The following HTR4 variants were observed in gnomAD, a reference collection of about 807,000 sequenced individuals.
HTR4 encodes 5-hydroxytryptamine (serotonin) receptor 4, G protein-coupled.
In HTR4, 16 loss-of-function variants were observed where a neutral mutation model predicts 36.8. The ratio of observed to expected loss-of-function variants is 0.43; its 90% confidence interval spans 0.29 to 0.66. The LOEUF is 0.66. HTR4 is among the 30% of genes least tolerant of loss of function. HTR4 has a pLI of 0.13. For missense variants in HTR4, 438 were observed against 490.9 expected (o/e 0.89, Z 1.02); for synonymous variants, 189 against 185.1 (o/e 1.02, Z -0.17).
At chr5:148,609,818 A>G (rs113528052) in intron 2 of HTR4, among the ~76,000 whole-genome samples, 8,006 of 152,176 alleles carry the variant, frequency 0.053, 464 homozygotes, top group African/African-American at 0.14. Flanking sequence ...CACCCACCTC[A>G]GCCTCCCAAA....
chr5:148,649,711 G>C lies in HTR4; in HGVS notation c.-48+4351C>G, dbSNP rs977813212. ...GGTTTTTCTGAAACTCAAAATAAGA[G>C]GCAAAGCTTAGATGCTTAGTAAGAA... On this transcript the variant is annotated intron_variant, in intron 1 of 6. Transcript: ENST00000377888. 2.0e-5 allele frequency among the ~76,000 whole-genome samples: 3 copies of C among 150,276 alleles called. 1 individual carries two copies. In the East Asian group the frequency reaches 6.1e-4, roughly 30 times the overall value.
intron 5 of HTR4, among the ~76,000 whole-genome samples, chr5:148,457,819 T>A (rs866369869): frequency 1.2e-5 from 1 of 80,556 alleles, no homozygotes; most frequent in Non-Finnish European, 2.4e-5. Context: ...TTTTGATATA[T>A]CATTAAAATA....
intron 2 of HTR4, among the ~76,000 whole-genome samples, chr5:148,571,207 T>C (rs546548014): frequency 1.7e-4 from 26 of 152,240 alleles, no homozygotes; most frequent in Non-Finnish European, 2.8e-4. Context: ...ATAAAAAGAA[T>C]CTTGCATGGT....
intron 6 of HTR4, among the ~76,000 whole-genome samples, chr5:148,505,294 C>G (rs1240490432): frequency 6.6e-6 from 1 of 152,156 alleles, no homozygotes; most frequent in Non-Finnish European, 1.5e-5. Context: ...TCAATAGATG[C>G]AGAAAAGGCC....
At chr5:148,471,552 T>A (rs901228682) in intron 5 of HTR4, among the ~76,000 whole-genome samples, 6 of 152,142 alleles carry the variant, frequency 3.9e-5, no homozygotes, top group Non-Finnish European at 7.4e-5. Flanking sequence ...TACGTAGAAA[T>A]ATTATTTTTA....
intron 1 of HTR4, among the ~76,000 whole-genome samples, chr5:148,643,609 T>C (rs1005282397): frequency 3.9e-5 from 6 of 152,204 alleles, no homozygotes; most frequent in African/African-American, 1.4e-4. Context: ...ACAAATTCTA[T>C]GAGAAAAGAG....
In HTR4 at chr5:148,548,864, T is replaced by C; in HGVS notation, c.157A>G (p.Ile53Val). Residue 53 changes from isoleucine to valine, a missense_variant, in exon 4 of 7, where the codon ATA becomes GTA. By Grantham distance (29) the Ile-to-Val change is conservative (BLOSUM62 3). Transcript: ENST00000377888. ...AVCWDRQLRKIKTNYFIVSLA... is the reference protein window; with the variant it reads ...AVCWDRQLRKVKTNYFIVSLA... ...GATACAATGAAATAATTTGTTTTTA[T>C]TTTCCTGTGAGTGAAAAAGTGTAAG... is the stretch of plus-strand genomic sequence containing the variant. 6.2e-7 allele frequency: 1 copy of C among 1,612,838 alleles called. No homozygotes were observed. Among genetic ancestry groups the C allele is most frequent in the Non-Finnish European group, 8.5e-7 (1 of 1,179,284 alleles).
In HTR4 at chr5:148,546,258, G is replaced by A. The variant is rs79826022; in HGVS notation, c.353+2410C>T. On this transcript the variant is annotated intron_variant, in intron 4 of 6. Transcript: ENST00000377888. ...AACATGGAATATTGTGACAAGCTGG[G>A]CCAAAGTGATGCCTTAAATGGATTA... Among the ~76,000 whole-genome samples the A allele has an allele frequency of 2.8e-4, 42 of 152,252 alleles. No homozygotes were observed. The East Asian group carries it at 7.7e-3, about 28-fold the overall frequency.
intron 4 of HTR4, among the ~76,000 whole-genome samples, chr5:148,539,950 G>A (rs540679450): frequency 1.3e-5 from 2 of 152,032 alleles, no homozygotes; most frequent in African/African-American, 4.8e-5. Flanking sequence ...CTTCACAATG[G>A]TGAAGACATA....
intron 2 of HTR4, among the ~76,000 whole-genome samples, chr5:148,608,510 ACGGGC>A (rs1010565991): frequency 1.3e-5 from 2 of 152,210 alleles, no homozygotes; most frequent in African/African-American, 4.8e-5. Context: ...GAACTGGAAT[ACGGGC>A]CGTAAAGTAG....
intron 2 of HTR4, among the ~76,000 whole-genome samples, chr5:148,609,766 C>T (rs958074265): frequency 6.6e-6 from 1 of 151,956 alleles, no homozygotes; most frequent in Admixed American, 6.6e-5. Context: ...CGGGGTTTCA[C>T]CGTGTTAGCC....
chr5:148,464,067 A>T lies in HTR4; in HGVS notation c.1077-12795T>A, dbSNP rs1030751765. Among the ~76,000 whole-genome samples the T allele has an allele frequency of 2.0e-5, 3 of 151,332 alleles. 1 individual carries two copies. The South Asian group carries it at 6.2e-4, about 31-fold the overall frequency. ...AAAAAAAAAAAGAATCTAGACACAG[A>T]CCTTATATCTTGCAGAAAAATTAAC... On this transcript the variant is annotated intron_variant, in intron 5 of 5. Coordinates refer to the HTR4 transcript ENST00000521530.
chr5:148,537,416 C>CA (rs1006037194), intron 4 of HTR4, among the ~76,000 whole-genome samples: 21 of 151,858 alleles, frequency 1.4e-4, no homozygotes, highest in African/African-American at 2.7e-4. Context: ...AATCAAGACA[C>CA]AAAAAAACAT....
chr5:148,640,779 G>A (rs975001467), intron 1 of HTR4, among the ~76,000 whole-genome samples: 4 of 152,168 alleles, frequency 2.6e-5, no homozygotes, highest in Admixed American at 6.5e-5. Flanking sequence ...AGGAAGAAAA[G>A]CTGGGCAGTT....
chr5:148,580,508 G>T (rs1057186483), intron 2 of HTR4, among the ~76,000 whole-genome samples: 4 of 151,926 alleles, frequency 2.6e-5, no homozygotes, highest in African/African-American at 9.7e-5. Flanking sequence ...TACTCATCTT[G>T]TATAACTAAC....
chr5:148,530,576 G>A (rs28750979), intron 4 of HTR4, among the ~76,000 whole-genome samples: 2,196 of 152,322 alleles, frequency 0.014, 58 homozygotes, highest in African/African-American at 0.05. Context: ...TGCTGCAAAG[G>A]CAGGGCCCTC....
At chr5:148,557,039 T>C (rs898676769) in intron 2 of HTR4, among the ~76,000 whole-genome samples, 1 of 152,182 alleles carries the variant, frequency 6.6e-6, no homozygotes, top group African/African-American at 2.4e-5. Flanking sequence ...AGCAAGGGAC[T>C]GAGCATCTGA....
At chr5:148,476,849 G>C, downstream of HTR4, 1 of 1,567,620 alleles carries the variant, frequency 6.4e-7, no homozygotes, top group South Asian at 1.2e-5. Flanking sequence ...ATTGGAATAG[G>C]TCAAAAACCT....
At chr5:148,592,961 T>G (rs1761629547) in intron 2 of HTR4, among the ~76,000 whole-genome samples, 1 of 152,192 alleles carries the variant, frequency 6.6e-6, no homozygotes, top group African/African-American at 2.4e-5. Flanking sequence ...AGAAGCTGTA[T>G]TTGGCTACAT....
Sources: gnomAD v4.1 joint callset for allele counts (sites outside exome capture counted in the v4.1 genomes callset) on GRCh38, gnomAD v4.1.1 for gene constraint, MANE v1.5 for transcripts, NCBI Gene and HGNC (gene_info 2026-07-23, HGNC 2026-07-21) for gene names.